The following SCN9A variants were observed in gnomAD, a reference collection of about 807,000 sequenced individuals.
SCN9A encodes sodium voltage-gated channel alpha subunit 9, also known as sodium channel protein type 9 subunit alpha.
In SCN9A, 131 loss-of-function variants were observed where a neutral mutation model predicts 187.0. That is an observed-to-expected ratio of 0.70 (90% confidence interval 0.61 to 0.81). The LOEUF is 0.81. SCN9A is among the 30% of genes least tolerant of loss of function. The pLI, the probability that SCN9A is intolerant of heterozygous loss-of-function variation, is 0.00. For synonymous variants in SCN9A, 809 were observed against 808.6 expected, an observed-to-expected ratio of 1.00 and a Z score of -0.01; for missense variants, 2,252 against 2,396.6, an observed-to-expected ratio of 0.94 and a Z score of 1.26.
At chr2:166,375,985 C>G (rs886055057), upstream of SCN9A, 1 of 152,324 alleles carries the variant, frequency 6.6e-6, no homozygotes, top group East Asian at 2.0e-4. Context: ...GGTAGCAGCC[C>G]CGCCTCCCCG....
chr2:166,320,831 A>G (rs1259769687), intron 1 of SCN9A, among the ~76,000 whole-genome samples: 1 of 152,108 alleles, frequency 6.6e-6, no homozygotes, highest in Non-Finnish European at 1.5e-5. Flanking sequence ...ATTTGTCTCT[A>G]TGGTTGTCAA....
intron 24 of SCN9A, among the ~76,000 whole-genome samples, chr2:166,223,255 C>T (rs1381634163): frequency 6.6e-6 from 1 of 152,124 alleles, no homozygotes; most frequent in African/African-American, 2.4e-5. Flanking sequence ...GTCCTTACTT[C>T]CATGTTCACT....
rs1696066012 is a variant in SCN9A, at chr2:166,252,030, C to T, written c.3352-145G>A. Reference sequence around the variant, plus strand: ...GATGGCCATAAAAAATGTATAAACACATATTGAGGTCAAGTAACCTTAAAT... The same window carrying T: ...GATGGCCATAAAAAATGTATAAACATATATTGAGGTCAAGTAACCTTAAAT... On this transcript the variant is annotated intron_variant, in intron 17 of 26. Coordinates refer to ENST00000642356, the MANE Select transcript of SCN9A (RefSeq NM_001365536.1). 1.1e-4 allele frequency: 89 copies of T among 819,862 alleles called. No homozygotes were observed. The South Asian group carries it at 1.6e-3, about 14-fold the overall frequency. 50.8% of individuals were successfully genotyped at this position (819,862 alleles called of 1,614,324 possible). A position where few individuals can be genotyped will look rare whatever the true frequency, so the allele number is the denominator to read the frequency against.
In SCN9A at chr2:166,195,799, A is replaced by G. The variant is rs2106332490; in HGVS notation, c.*2873T>C. 6.6e-6 allele frequency: 1 copy of G among 152,328 alleles called. No individual in the cohort carries two copies. The highest frequency in any genetic ancestry group is 6.5e-5 in the Admixed American group (1 of 15,292). The allele number at this position is 152,328 out of a possible 1,614,324, so 9.4% of individuals were successfully genotyped here. The stretch of plus-strand genomic sequence containing the variant: ...CATGGTGGCTCATGCCTGTAACCCC[A>G]GCATGTTGGCAGGTCATGACAGTAG... On this transcript the variant is annotated 3_prime_UTR_variant, in exon 27 of 27. Coordinates refer to ENST00000642356, the MANE Select transcript of SCN9A (RefSeq NM_001365536.1).
intron 19 of SCN9A, among the ~76,000 whole-genome samples, chr2:166,239,544 C>T (rs941590660): frequency 6.6e-6 from 1 of 151,980 alleles, no homozygotes; most frequent in Admixed American, 6.6e-5. Flanking sequence ...AATGGACCTA[C>T]TAAGATGCAA....
intron 14 of SCN9A, among the ~76,000 whole-genome samples, chr2:166,279,684 A>C (rs1011738562): frequency 3.4e-4 from 51 of 152,146 alleles, no homozygotes; most frequent in African/African-American, 1.1e-3. Flanking sequence ...TTTTGATGAC[A>C]ATGATGTTGA....
chr2:166,266,720 TC>T (rs1046695512), intron 17 of SCN9A, among the ~76,000 whole-genome samples: 2 of 151,876 alleles, frequency 1.3e-5, no homozygotes, highest in African/African-American at 2.4e-5. Context: ...CCTTTTTGTG[TC>T]CTCTTCAATT....
At chr2:166,352,273 A>C (rs1700050710) in intron 1 of SCN9A, among the ~76,000 whole-genome samples, 1 of 152,232 alleles carries the variant, frequency 6.6e-6, no homozygotes, top group East Asian at 1.9e-4. Context: ...TCCCCTTTAA[A>C]GACTGTTCTA....
At chr2:166,264,500 A>G (rs984660032) in intron 17 of SCN9A, among the ~76,000 whole-genome samples, 1 of 151,926 alleles carries the variant, frequency 6.6e-6, no homozygotes, top group Non-Finnish European at 1.5e-5. Flanking sequence ...CTATTGTTCT[A>G]TTTCCATTTG....
In SCN9A at chr2:166,198,935, G is replaced by C; in HGVS notation, c.5704C>G (p.Arg1902Gly). The change falls in exon 27 of 27, where the codon CGT (arginine) becomes GGT (glycine). Residue 1902 changes from arginine (R) to glycine (G), a missense_variant. This residue lies in a region of SCN9A where 345 missense variants were observed against 344.6 expected (regional missense o/e 1.00). Coordinates refer to ENST00000642356, the MANE Select transcript of SCN9A (RefSeq NM_001365536.1). ...TTGACATTTTGCCTTAAGCGGTAAC[G>C]TCTATAAGCACGCTGAATGACAGTA... is the stretch of plus-strand genomic sequence containing the variant. ...SATVIQRAYR[R>G]YRLRQNVKNI... 2 of 1,613,878 alleles carry C rather than the reference G, an allele frequency of 1.2e-6. No homozygotes were observed. The highest frequency in any genetic ancestry group is 2.2e-5 in the East Asian group (1 of 44,874).
intron 24 of SCN9A, among the ~76,000 whole-genome samples, chr2:166,212,106 G>C (rs149202896): frequency 9.9e-4 from 151 of 152,324 alleles, no homozygotes; most frequent in African/African-American, 3.6e-3. Context: ...GTAACCAAAA[G>C]AGAGCAATGG....
chr2:166,223,137 A>G (rs1694696295), intron 24 of SCN9A, among the ~76,000 whole-genome samples: 2 of 152,084 alleles, frequency 1.3e-5, no homozygotes, highest in South Asian at 4.1e-4. Context: ...TGTAGCTGCC[A>G]TAGAAAACAG....
chr2:166,196,795 G>T lies in SCN9A; in HGVS notation c.*1877C>A, dbSNP rs200558948. 3 of 152,034 alleles carry T rather than the reference G, an allele frequency of 2.0e-5. No homozygotes were observed. Among genetic ancestry groups the T allele is most frequent in the Non-Finnish European group, 4.4e-5 (3 of 67,972 alleles). 9.4% of individuals were successfully genotyped at this position (152,034 alleles called of 1,614,324 possible). A position where few individuals can be genotyped will look rare whatever the true frequency, so the allele number is the denominator to read the frequency against. ...TGTCTTTCATATTAAATTAAAAAGT[G>T]GTTCAAATAGCCTAAGATGAATGAA... On this transcript the variant is annotated 3_prime_UTR_variant, in exon 27 of 27. Coordinates refer to ENST00000642356, the MANE Select transcript of SCN9A (RefSeq NM_001365536.1).
At chr2:166,255,224 T>C (rs1438165450) in intron 17 of SCN9A, among the ~76,000 whole-genome samples, 2 of 151,688 alleles carry the variant, frequency 1.3e-5, no homozygotes, top group South Asian at 2.1e-4. Flanking sequence ...TGTAAACTTA[T>C]GTAGCTATTT....
intron 1 of SCN9A, among the ~76,000 whole-genome samples, chr2:166,319,158 G>T (rs1450098159): frequency 2.0e-5 from 3 of 151,938 alleles, no homozygotes; most frequent in Non-Finnish European, 2.9e-5. Context: ...AATTTCCTTA[G>T]CCATAATTGA....
At chr2:166,238,041 A>AT in intron 20 of SCN9A, 53 bp downstream of exon 20, 2 of 1,372,046 alleles carry the variant, frequency 1.5e-6, no homozygotes, top group Non-Finnish European at 2.0e-6. Flanking sequence ...AGGTTTTTTC[A>AT]CAACACACAG....
chr2:166,368,751 G>A (rs1473170195), intron 1 of SCN9A, among the ~76,000 whole-genome samples: 2 of 151,808 alleles, frequency 1.3e-5, no homozygotes, highest in African/African-American at 2.4e-5. Context: ...ACTTTGGGGG[G>A]CCTAGGCGGG....
intron 1 of SCN9A, among the ~76,000 whole-genome samples, chr2:166,361,653 A>G (rs911077762): frequency 6.6e-6 from 1 of 152,142 alleles, no homozygotes; most frequent in African/African-American, 2.4e-5. Context: ...AAAATAATAA[A>G]ATGATCGAAA....
At chr2:166,308,843 G>T (rs1362700496) in intron 2 of SCN9A, among the ~76,000 whole-genome samples, 1 of 147,166 alleles carries the variant, frequency 6.8e-6, no homozygotes, top group Non-Finnish European at 1.5e-5. Flanking sequence ...GGAGAATGGC[G>T]TGAACCCGGG....
Sources: allele counts gnomAD v4.1 joint callset (sites outside exome capture counted in the v4.1 genomes callset), GRCh38; gene constraint gnomAD v4.1.1; regional missense constraint gnomAD v4.1.1; transcripts MANE v1.5; gene names NCBI Gene and HGNC (gene_info 2026-07-23, HGNC 2026-07-21).